Variants in EBF3 observed in about 807,000 individuals in gnomAD.
The protein encoded by EBF3 is EBF transcription factor 3, also known as transcription factor COE3.
Under a neutral mutation model 77.1 loss-of-function variants are expected in EBF3, and 18 were observed. The observed-to-expected ratio is 0.23, with a 90% CI of 0.16 to 0.35. EBF3 has a LOEUF of 0.35. Among genes scored for constraint, EBF3 ranks in the 10% least tolerant of loss-of-function variants. The pLI is 1.00. For missense variants in EBF3, 558 were observed against 860.0 expected (o/e 0.65, Z 4.39); for synonymous variants, 350 against 343.5 (o/e 1.02, Z -0.21).
At chr10:129,845,431 TAC>T (rs1850382232) in intron 11 of EBF3, 1 of 152,272 alleles carries the variant, frequency 6.6e-6, no homozygotes, top group East Asian at 1.9e-4. Context: ...ATGACAAATG[TAC>T]AGTTTTATTA....
intron 10 of EBF3, among the ~76,000 whole-genome samples, chr10:129,860,273 A>G (rs192040807): frequency 1.4e-3 from 215 of 151,938 alleles, no homozygotes; most frequent in Middle Eastern, 6.8e-3. Context: ...ACCGAGAAGG[A>G]CCATCGCAAG....
At chr10:129,843,112 G>A in intron 12 of EBF3, 25 bp downstream of exon 12, 4 of 1,609,410 alleles carry the variant, frequency 2.5e-6, no homozygotes, top group Non-Finnish European at 3.4e-6. Flanking sequence ...GGGAGGATGG[G>A]CGAGGGGAGC....
At position 129,943,609 on chromosome 10, in the gene EBF3, C is replaced by G. The variant is rs940566558; in HGVS notation, c.554+13649G>C. On this transcript the variant is annotated intron_variant, in intron 6 of 16. Coordinates refer to ENST00000440978, the MANE Select transcript of EBF3 (RefSeq NM_001375380.1). This position sits in a 1 kb window ranked among gnomAD's most constrained non-coding sequence, Gnocchi z 8.8. ...TCGCCAGCCGGGCTTGGGAACAAGACAGGTCCCCGGCGTGCACATCCAAAG... is the reference window on the plus strand; with the variant it reads ...TCGCCAGCCGGGCTTGGGAACAAGAGAGGTCCCCGGCGTGCACATCCAAAG... Among the ~76,000 whole-genome samples, 2 of 152,206 alleles carry G rather than the reference C, an allele frequency of 1.3e-5. No homozygotes were observed. The highest frequency in any genetic ancestry group is 2.9e-5 in the Non-Finnish European group (2 of 68,042).
rs7092828 is a variant in EBF3, at chr10:129,840,261, G to A, written c.1743C>T (p.Asn581=). ...CACCCTCACCTTGCAGTCCATTCCCGTTGGCGCTGGTGCAGGAAGGAGGAG... is the reference window on the plus strand; with the variant it reads ...CACCCTCACCTTGCAGTCCATTCCCATTGGCGCTGGTGCAGGAAGGAGGAG... The part of the protein sequence containing the change: ...ASPPPSCTSA[N]GNGLQGSLLG... Residue 581 remains asparagine (N), a synonymous_variant, in exon 15 of 17, where the codon AAC becomes AAT. Transcript: ENST00000440978. The A allele has an allele frequency of 8.4e-5, 129 of 1,530,460 alleles. 1 individual carries two copies. The highest frequency in any genetic ancestry group is 3.0e-4 in the South Asian group (26 of 85,634). The allele number at this position is 1,530,460 out of a possible 1,614,324, so 94.8% of individuals were successfully genotyped here.
Position 129,964,112 on chromosome 10 carries a change from G to C in EBF3, c.-344C>G. The C allele has an allele frequency of 4.1e-6, 4 of 985,078 alleles. No homozygotes were observed. Among genetic ancestry groups the C allele is most frequent in the Non-Finnish European group, 4.8e-6 (4 of 829,830 alleles). The allele number at this position is 985,078 out of a possible 1,614,324, so 61.0% of individuals were successfully genotyped here. A position where few individuals can be genotyped will look rare whatever the true frequency, so the allele number is the denominator to read the frequency against. ...GGCGTCCGCGGCTGCAGGACACTGC[G>C]GGATCGCCCGCTTCTGGCGCGGCCC... On this transcript the variant is annotated 5_prime_UTR_variant, in exon 1 of 17. Coordinates refer to ENST00000440978, the MANE Select transcript of EBF3 (RefSeq NM_001375380.1). This position sits in a 1 kb window ranked among gnomAD's most constrained non-coding sequence, Gnocchi z 4.5.
chr10:129,921,605 G>A (rs1381859606), intron 6 of EBF3, among the ~76,000 whole-genome samples: 1 of 152,208 alleles, frequency 6.6e-6, no homozygotes, highest in African/African-American at 2.4e-5. Context: ...CACCTTTGCA[G>A]CCAGCCCACG....
At chr10:129,921,637 G>C (rs1856318125) in intron 6 of EBF3, among the ~76,000 whole-genome samples, 1 of 152,192 alleles carries the variant, frequency 6.6e-6, no homozygotes, top group Non-Finnish European at 1.5e-5. Flanking sequence ...GACAGGCCTG[G>C]CTACCTCAAC....
chr10:129,918,692 G>A (rs1314557263), intron 6 of EBF3, among the ~76,000 whole-genome samples: 1 of 152,206 alleles, frequency 6.6e-6, no homozygotes, highest in Non-Finnish European at 1.5e-5. Flanking sequence ...GCCATCAGGA[G>A]TGAAGCCCAG....
At chr10:129,956,198 A>G (rs922534520) in intron 6 of EBF3, among the ~76,000 whole-genome samples, 1 of 152,208 alleles carries the variant, frequency 6.6e-6, no homozygotes, top group Non-Finnish European at 1.5e-5. Flanking sequence ...TTTAGGCTTA[A>G]CTCATGGAGT....
chr10:129,959,116 G>A (rs1213285288), intron 4 of EBF3, 109 bp from the exon 5 acceptor site: 14 of 1,339,012 alleles, frequency 1.0e-5, no homozygotes, highest in Non-Finnish European at 1.5e-5. Context: ...CACGCTCGAG[G>A]GGAGGCGATG....
chr10:129,935,013 G>C lies in EBF3; in HGVS notation c.554+22245C>G, dbSNP rs999869614. On this transcript the variant is annotated intron_variant, in intron 6 of 16. Coordinates refer to ENST00000440978, the MANE Select transcript of EBF3 (RefSeq NM_001375380.1). The surrounding 1 kb of genome is among the most constrained non-coding windows in gnomAD (Gnocchi z 4.2). ...TGTGTACCTGGTGGTGATCTAACTA[G>C]ATCAATAACAAGTAATGTTTAAGAT... Among the ~76,000 whole-genome samples the C allele has an allele frequency of 6.6e-6, 1 of 152,142 alleles. No homozygotes were observed. The highest frequency in any genetic ancestry group is 1.5e-5 in the Non-Finnish European group (1 of 68,028).
intron 10 of EBF3, among the ~76,000 whole-genome samples, chr10:129,857,086 CCAA>C (rs939705144): frequency 2.6e-5 from 4 of 152,136 alleles, no homozygotes; most frequent in African/African-American, 9.7e-5. Flanking sequence ...ACTCTGTTTC[CCAA>C]CATTATTACC....
Position 129,841,029 on chromosome 10 carries a change from C to G in EBF3, c.1376G>C (p.Gly459Ala). The change falls in exon 14 of 17, where the codon GGC becomes GCC. Residue 459 changes from glycine (G) to alanine (A), a missense_variant. This residue lies in a region of EBF3 where 284 missense variants were observed against 368.3 expected (regional missense o/e 0.77). Coordinates refer to ENST00000440978, the MANE Select transcript of EBF3 (RefSeq NM_001375380.1). This position sits in a 1 kb window ranked among gnomAD's most constrained non-coding sequence, Gnocchi z 4.6. ...CACGCTGCTTGTATTGCGACTGTAG[C>G]CGACTGTTGAAATCCCCCCCCCGGC... The part of the protein sequence containing the change: ...SETSQANDQV[G>A]YSRNTSSVSP... 6.3e-7 allele frequency: 1 copy of G among 1,593,940 alleles called. No homozygotes were observed.
chr10:129,964,269 AGGAATGGACCCTTTCCCG>A, exon 1 of EBF3: 1 of 984,864 alleles, frequency 1.0e-6, no homozygotes, highest in African/African-American at 1.7e-5. The surrounding 1 kb of genome is among the most constrained non-coding windows in gnomAD (Gnocchi z 4.5). Context: ...TCTCTCCCCG[AGGAATGGACCCTTTCCCG>A]GGAGCCAAAA....
At chr10:129,932,573 A>G (rs1324341388) in intron 6 of EBF3, among the ~76,000 whole-genome samples, 2 of 152,248 alleles carry the variant, frequency 1.3e-5, no homozygotes, top group African/African-American at 4.8e-5. Flanking sequence ...GACAGTGATC[A>G]GGATGGTGAG....
At chr10:129,838,965 G>T (rs939471093) in intron 16 of EBF3, 118 bp downstream of exon 16, 5 of 1,009,842 alleles carry the variant, frequency 5.0e-6, no homozygotes, top group Non-Finnish European at 5.3e-6. Flanking sequence ...CCTCTGCAAC[G>T]ACCCTGGTGT....
chr10:129,933,903 A>T lies in EBF3; in HGVS notation c.554+23355T>A, dbSNP rs528250581. Among the ~76,000 whole-genome samples, 11 of 150,838 alleles carry T rather than the reference A, an allele frequency of 7.3e-5. No homozygotes were observed. In the South Asian group the frequency reaches 2.3e-3, roughly 32 times the overall value. Reference sequence around the variant, plus strand: ...TCTCCCCTCCTCTCTGCTCAGCCCCACTCTCTCTCAACTCCCCCTCCAGCA... The same window carrying T: ...TCTCCCCTCCTCTCTGCTCAGCCCCTCTCTCTCTCAACTCCCCCTCCAGCA... On this transcript the variant is annotated intron_variant, in intron 6 of 16. Transcript: ENST00000440978.
chr10:129,867,734 T>C (rs745468161), intron 9 of EBF3, 48 bp downstream of exon 9: 36 of 1,607,146 alleles, frequency 2.2e-5, no homozygotes, highest in Non-Finnish European at 2.9e-5. Flanking sequence ...GTCAAATCCA[T>C]TCATGAAGAC....
intron 9 of EBF3, 69 bp downstream of exon 9, chr10:129,867,713 A>G: frequency 6.3e-7 from 1 of 1,596,882 alleles, no homozygotes; most frequent in Non-Finnish European, 8.5e-7. Flanking sequence ...TCAATACACT[A>G]TTGACAGCTT....
Sources: allele counts gnomAD v4.1 joint callset (sites outside exome capture counted in the v4.1 genomes callset), GRCh38; gene constraint gnomAD v4.1.1; regional missense constraint gnomAD v4.1.1; non-coding constraint Gnocchi (gnomAD v3.1); transcripts MANE v1.5; gene names NCBI Gene and HGNC (gene_info 2026-07-23, HGNC 2026-07-21).